The following SPOCK3 variants were observed in gnomAD, a reference collection of about 807,000 sequenced individuals.
SPOCK3 encodes the protein testican-3.
Under a neutral mutation model 56.6 loss-of-function variants are expected in SPOCK3, and 30 were observed. That is an observed-to-expected ratio of 0.53 (90% CI 0.40 to 0.72). The LOEUF is 0.72. Ranked by LOEUF, SPOCK3 falls within the 30% of genes least tolerant of loss-of-function variation. The pLI is 0.00. For synonymous variants in SPOCK3, 196 were observed against 183.3 expected, an observed-to-expected ratio of 1.07 and a Z score of -0.56; for missense variants, 527 against 530.0, an observed-to-expected ratio of 0.99 and a Z score of 0.06.
intron 8 of SPOCK3, among the ~76,000 whole-genome samples, chr4:166,751,379 CTTG>C (rs1736357174): frequency 6.6e-6 from 1 of 152,102 alleles, no homozygotes; most frequent in Admixed American, 6.6e-5. Flanking sequence ...TGGAAAAGGA[CTTG>C]TTGATGTTAT....
At chr4:166,904,049 A>T (rs1736348184) in intron 5 of SPOCK3, among the ~76,000 whole-genome samples, 1 of 151,912 alleles carries the variant, frequency 6.6e-6, no homozygotes, top group Non-Finnish European at 1.5e-5. Context: ...TTAGTTGTTG[A>T]TATAAAATTA....
chr4:166,888,110 G>A (rs750182318), intron 6 of SPOCK3, among the ~76,000 whole-genome samples: 3 of 151,970 alleles, frequency 2.0e-5, no homozygotes, highest in Non-Finnish European at 4.4e-5. Context: ...CATAACTGAA[G>A]TTTGGAAGTT....
In SPOCK3 at chr4:167,072,612, G is replaced by A. The variant is rs540646052; in HGVS notation, c.190-10075C>T. Among the ~76,000 whole-genome samples, 45 of 151,988 alleles carry A rather than the reference G, an allele frequency of 3.0e-4. 1 individual carries two copies. Among genetic ancestry groups the A allele is most frequent in the African/African-American group, 9.9e-4 (41 of 41,516 alleles). Reference sequence around the variant, plus strand: ...CTTAAAGAACATTAATTTTAAGAACGTTAATAGAATTTGCATAATTCTATT... The same window carrying A: ...CTTAAAGAACATTAATTTTAAGAACATTAATAGAATTTGCATAATTCTATT... On this transcript the variant is annotated intron_variant, in intron 2 of 10. Coordinates refer to ENST00000357545, the MANE Select transcript of SPOCK3 (RefSeq NM_001040159.2).
chr4:166,924,795 G>A (rs758765616), intron 4 of SPOCK3, among the ~76,000 whole-genome samples: 5 of 152,176 alleles, frequency 3.3e-5, no homozygotes, highest in Non-Finnish European at 5.9e-5. Flanking sequence ...GTTAGCCACC[G>A]TCTTCCCACC....
chr4:166,764,684 T>C (rs1462670826), intron 7 of SPOCK3, among the ~76,000 whole-genome samples: 1 of 152,164 alleles, frequency 6.6e-6, no homozygotes, highest in Non-Finnish European at 1.5e-5. Flanking sequence ...GCATGATTTA[T>C]AATCCTTTGG....
chr4:167,015,975 T>C, intron 3 of SPOCK3, among the ~76,000 whole-genome samples: 1 of 152,248 alleles, frequency 6.6e-6, no homozygotes, highest in Non-Finnish European at 1.5e-5. Context: ...CTAAAGACAC[T>C]GGGAATTTTT....
At chr4:166,866,302 G>A (rs1235603854) in intron 6 of SPOCK3, among the ~76,000 whole-genome samples, 2 of 151,878 alleles carry the variant, frequency 1.3e-5, no homozygotes, top group Non-Finnish European at 2.9e-5. Flanking sequence ...AAAGACTTAA[G>A]TGTAAAACCT....
chr4:166,874,311 C>A (rs1295171429), intron 6 of SPOCK3, among the ~76,000 whole-genome samples: 1 of 152,126 alleles, frequency 6.6e-6, no homozygotes, highest in Non-Finnish European at 1.5e-5. Context: ...GAACAACAAT[C>A]AGAGTCCTAT....
chr4:166,887,095 T>A (rs1734279364), intron 6 of SPOCK3, among the ~76,000 whole-genome samples: 1 of 152,058 alleles, frequency 6.6e-6, no homozygotes, highest in Non-Finnish European at 1.5e-5. Flanking sequence ...ATATACACAC[T>A]ATACAGAAAA....
intron 3 of SPOCK3, among the ~76,000 whole-genome samples, chr4:167,011,469 T>C (rs759042188): frequency 4.6e-5 from 7 of 152,172 alleles, no homozygotes; most frequent in Non-Finnish European, 1.0e-4. Flanking sequence ...AAAATTCAAA[T>C]CTTTGTTATT....
intron 2 of SPOCK3, among the ~76,000 whole-genome samples, chr4:167,222,620 A>G (rs1736065346): frequency 7.0e-6 from 1 of 142,046 alleles, no homozygotes; most frequent in Non-Finnish European, 1.5e-5. Context: ...ATATATTTAT[A>G]TATAAACATA....
At chr4:167,089,036 A>G (rs567696280) in intron 2 of SPOCK3, among the ~76,000 whole-genome samples, 205 of 152,296 alleles carry the variant, frequency 1.3e-3, no homozygotes, top group African/African-American at 4.6e-3. Flanking sequence ...AGGTCAGCAT[A>G]TACATATTGA....
chr4:166,967,945 T>C (rs759233529), intron 4 of SPOCK3, among the ~76,000 whole-genome samples: 23 of 152,164 alleles, frequency 1.5e-4, no homozygotes, highest in Non-Finnish European at 2.9e-4. Flanking sequence ...TGGTCTCAGA[T>C]GGAGATGAGG....
At chr4:166,949,287 A>C (rs908479367) in intron 4 of SPOCK3, among the ~76,000 whole-genome samples, 1 of 152,024 alleles carries the variant, frequency 6.6e-6, no homozygotes, top group Non-Finnish European at 1.5e-5. Flanking sequence ...CTTTGGTTTG[A>C]ATTTCCTCCT....
At chr4:167,187,371 C>T (rs1231479438) in intron 2 of SPOCK3, among the ~76,000 whole-genome samples, 1 of 151,364 alleles carries the variant, frequency 6.6e-6, no homozygotes, top group African/African-American at 2.4e-5. Flanking sequence ...TTTCAGACTA[C>T]TCTTTCTTAC....
At chr4:167,197,128 G>T (rs1733034512) in intron 2 of SPOCK3, among the ~76,000 whole-genome samples, 1 of 152,108 alleles carries the variant, frequency 6.6e-6, no homozygotes, top group Non-Finnish European at 1.5e-5. Context: ...GGTCAACTCT[G>T]GGTAGCCATG....
chr4:167,225,195 A>G (rs2111137864), intron 2 of SPOCK3, among the ~76,000 whole-genome samples: 1 of 152,316 alleles, frequency 6.6e-6, no homozygotes, highest in African/African-American at 2.4e-5. Flanking sequence ...TTTAAAACCA[A>G]TAAATGAACT....
At chr4:166,832,979 T>A (rs1746239938) in intron 6 of SPOCK3, among the ~76,000 whole-genome samples, 1 of 152,112 alleles carries the variant, frequency 6.6e-6, no homozygotes. Context: ...GTGTCAGGAT[T>A]GATTGTACCA....
At chr4:167,077,772 T>C (rs1757327935) in intron 2 of SPOCK3, among the ~76,000 whole-genome samples, 1 of 151,952 alleles carries the variant, frequency 6.6e-6, no homozygotes, top group Admixed American at 6.6e-5. Context: ...CATTGTAATG[T>C]ATTTTGTATA....
Sources: allele counts gnomAD v4.1 joint callset (sites outside exome capture counted in the v4.1 genomes callset), GRCh38; gene constraint gnomAD v4.1.1; transcripts MANE v1.5; gene names NCBI Gene and HGNC (gene_info 2026-07-23, HGNC 2026-07-21).